Variants in SLC35D1 observed in about 807,000 individuals in gnomAD.
The protein encoded by SLC35D1 is nucleotide sugar transporter SLC35D1.
In SLC35D1, 31 loss-of-function variants were observed where a neutral mutation model predicts 46.7. The observed-to-expected ratio is 0.66, with a 90% CI of 0.50 to 0.90. The LOEUF (loss-of-function observed/expected upper bound fraction) is 0.90. SLC35D1 is among the 40% of genes least tolerant of loss of function. SLC35D1 has a pLI of 0.00. For synonymous variants in SLC35D1, 195 were observed against 164.6 expected (o/e 1.18, Z -1.41); for missense variants, 397 against 426.2 (o/e 0.93, Z 0.60).
intron 8 of SLC35D1, among the ~76,000 whole-genome samples, chr1:67,028,729 T>C (rs1299898916): frequency 1.3e-5 from 2 of 152,196 alleles, no homozygotes; most frequent in African/African-American, 4.8e-5. Context: ...GCCCCACAGG[T>C]CACTAATATT....
chr1:66,983,942 T>G, the SLC35D1 span, among the ~76,000 whole-genome samples: 1 of 152,198 alleles, frequency 6.6e-6, no homozygotes, highest in Non-Finnish European at 1.5e-5. Flanking sequence ...GCCAGGCTGG[T>G]CTTGAACTCC....
chr1:67,048,830 C>CTT (rs1645277240), intron 6 of SLC35D1, among the ~76,000 whole-genome samples: 1 of 152,172 alleles, frequency 6.6e-6, no homozygotes, highest in African/African-American at 2.4e-5. Context: ...ATGGGAAAAG[C>CTT]TTTAATAACC....
At chr1:67,021,694 AACACAGACACAG>A (rs66866662) in intron 8 of SLC35D1, 92 bp from the exon 9 acceptor site, 21 of 299,486 alleles carry the variant, frequency 7.0e-5, no homozygotes, top group South Asian at 3.8e-4. Flanking sequence ...GTCTGCCTCC[AACACAGACACAG>A]ACACAGACAC....
At chr1:66,993,230 A>C in the SLC35D1 span, among the ~76,000 whole-genome samples, 1 of 152,214 alleles carries the variant, frequency 6.6e-6, no homozygotes, top group Admixed American at 6.5e-5. Context: ...ACATCAGAGG[A>C]ATAACTACAT....
intron 10 of SLC35D1, among the ~76,000 whole-genome samples, chr1:67,017,706 C>A (rs1160217824): frequency 1.3e-5 from 2 of 152,142 alleles, no homozygotes; most frequent in African/African-American, 4.8e-5. Flanking sequence ...TTGGTTTTTT[C>A]TTCTGTTTCC....
intron 8 of SLC35D1, among the ~76,000 whole-genome samples, chr1:67,039,262 T>A (rs1290979121): frequency 6.6e-6 from 1 of 152,260 alleles, no homozygotes; most frequent in Non-Finnish European, 1.5e-5. Flanking sequence ...AATTTAGGGT[T>A]AATCACAGGA....
At chr1:67,036,506 T>A (rs1055025086) in intron 8 of SLC35D1, among the ~76,000 whole-genome samples, 2 of 152,124 alleles carry the variant, frequency 1.3e-5, no homozygotes, top group Non-Finnish European at 2.9e-5. Flanking sequence ...TCTTGCTCAA[T>A]TTACCCCTTT....
chr1:67,007,816 C>A (rs142762180), intron 11 of SLC35D1, among the ~76,000 whole-genome samples: 1 of 152,164 alleles, frequency 6.6e-6, no homozygotes, highest in Non-Finnish European at 1.5e-5. Flanking sequence ...TTTTATACAA[C>A]ACTACCAAAT....
chr1:66,989,565 G>A, the SLC35D1 span, among the ~76,000 whole-genome samples: 2 of 152,168 alleles, frequency 1.3e-5, no homozygotes, highest in Non-Finnish European at 2.9e-5. Context: ...TTGGGCGCAG[G>A]TAATCCTCCC....
chr1:67,051,908 AT>A (rs906906346), intron 4 of SLC35D1, 103 bp downstream of exon 4: 499 of 844,288 alleles, frequency 5.9e-4, no homozygotes, highest in Non-Finnish European at 9.1e-4. Context: ...TGGTCCTTTC[AT>A]TTTTTTCCAG....
chr1:67,046,788 T>G (rs1645256414), intron 7 of SLC35D1, among the ~76,000 whole-genome samples: 1 of 152,174 alleles, frequency 6.6e-6, no homozygotes, highest in South Asian at 2.1e-4. Flanking sequence ...CAGGAAACAC[T>G]GTGTTGCCCC....
intron 9 of SLC35D1, among the ~76,000 whole-genome samples, chr1:67,020,908 A>T (rs1667784565): frequency 6.6e-6 from 1 of 152,104 alleles, no homozygotes; most frequent in South Asian, 2.1e-4. Flanking sequence ...CTTAACAACT[A>T]AGTGGCAGCA....
chr1:67,007,896 T>C (rs969584127), intron 11 of SLC35D1, among the ~76,000 whole-genome samples: 7 of 152,194 alleles, frequency 4.6e-5, no homozygotes, highest in Non-Finnish European at 8.8e-5. Flanking sequence ...CCCATAAATA[T>C]TCACATTAAA....
chr1:66,974,146 TTAGTTCA>T, the SLC35D1 span, among the ~76,000 whole-genome samples: 1 of 152,114 alleles, frequency 6.6e-6, no homozygotes, highest in Non-Finnish European at 1.5e-5. Context: ...CCACTCCCAA[TTAGTTCA>T]TTCTTAATTA....
chr1:67,048,511 C>T (rs577588191), intron 6 of SLC35D1, among the ~76,000 whole-genome samples: 17 of 152,288 alleles, frequency 1.1e-4, no homozygotes, highest in African/African-American at 1.4e-4. Flanking sequence ...TAACCAATTA[C>T]GCCACTCTCT....
At chr1:67,013,686 AG>A (rs1558151810) in intron 10 of SLC35D1, among the ~76,000 whole-genome samples, 1 of 152,198 alleles carries the variant, frequency 6.6e-6, no homozygotes, top group Admixed American at 6.5e-5. Context: ...ACACAAAAAA[AG>A]GTGCCATCTA....
At chr1:66,998,908 T>C (rs1667275713), downstream of SLC35D1, among the ~76,000 whole-genome samples, 2 of 152,328 alleles carry the variant, frequency 1.3e-5, no homozygotes, top group South Asian at 4.1e-4. Context: ...TGGAGATTGG[T>C]TGAACAACAA....
At chr1:67,013,391 A>G (rs1285168040) in intron 10 of SLC35D1, among the ~76,000 whole-genome samples, 1 of 151,300 alleles carries the variant, frequency 6.6e-6, no homozygotes, top group East Asian at 1.9e-4. Context: ...TATAAAAAAT[A>G]AAATAAAATA....
the SLC35D1 span, chr1:66,985,985 C>A: frequency 5.1e-6 from 5 of 986,544 alleles, no homozygotes; most frequent in South Asian, 1.9e-4. Context: ...TTAAATATAT[C>A]ATGCTGACCA....
Sources: gnomAD v4.1 joint callset for allele counts (sites outside exome capture counted in the v4.1 genomes callset) on GRCh38, gnomAD v4.1.1 for gene constraint, MANE v1.5 for transcripts, NCBI Gene and HGNC (gene_info 2026-07-23, HGNC 2026-07-21) for gene names.